Variants in KRT27 observed in about 807,000 individuals in gnomAD.
KRT27 encodes the protein keratin 27.
Under a neutral mutation model 45.3 loss-of-function variants are expected in KRT27, and 30 were observed. The ratio of observed to expected loss-of-function variants is 0.66; its 90% CI spans 0.50 to 0.90. The LOEUF (loss-of-function observed/expected upper bound fraction) is 0.90. KRT27 is among the 40% of genes least tolerant of loss of function. KRT27 has a pLI of 0.00. For synonymous variants in KRT27, 204 were observed against 223.9 expected, an observed-to-expected ratio of 0.91 and a Z score of 0.79; for missense variants, 610 against 564.3, an observed-to-expected ratio of 1.08 and a Z score of -0.82.
At position 40,779,606 on chromosome 17, in the gene KRT27, T is replaced by C; in HGVS notation, c.868A>G (p.Ile290Val). The change falls in exon 5 of 8, where the codon ATC (isoleucine) becomes GTC (valine). Residue 290 changes from isoleucine (I) to valine (V), a missense_variant. Transcript: ENST00000301656. ...GTGGTGGCGCCAGCGTCGTCAGAGA[T>C]CTGCTGCTGCAGCGAGGCGCTCTGG... ...NEKSASLQQQISDDAGATTSA... is the reference protein window; with the variant it reads ...NEKSASLQQQVSDDAGATTSA... The C allele has an allele frequency of 1.2e-6, 2 of 1,614,232 alleles. No individual in the cohort carries two copies. The highest frequency in any genetic ancestry group is 1.7e-6 in the Non-Finnish European group (2 of 1,180,024).
Position 40,782,311 on chromosome 17 carries a change from A to T in KRT27, c.183T>A (p.Gly61=), listed in dbSNP as rs1597803812. 6.2e-7 allele frequency: 1 copy of T among 1,613,946 alleles called. No individual in the cohort carries two copies. The highest frequency in any genetic ancestry group is 2.2e-5 in the East Asian group (1 of 44,872). Residue 61 remains glycine, a synonymous_variant, in exon 1 of 8, where the codon GGT becomes GGA. Transcript: ENST00000301656. ...GSSSAGGYGG[G]LGGGSASCAA... Reference sequence around the variant, plus strand: ...CACAGGAAGCACTTCCCCCGCCCAGACCTCCGCCATAGCCTCCTGCAGATG... The same window carrying T: ...CACAGGAAGCACTTCCCCCGCCCAGTCCTCCGCCATAGCCTCCTGCAGATG...
intron 5 of KRT27, 160 bp from the exon 6 acceptor site, chr17:40,777,892 A>T: frequency 1.3e-6 from 1 of 745,784 alleles, no homozygotes; most frequent in South Asian, 1.9e-5. Context: ...TGCCTTTATT[A>T]AATGTCCTAC....
At chr17:40,777,943 C>A in intron 5 of KRT27, 1 of 585,990 alleles carries the variant, frequency 1.7e-6, no homozygotes. Context: ...TGCTGAATGT[C>A]CCTCAGATGC....
chr17:40,779,998 C>CT, intron 3 of KRT27, 137 bp from the exon 4 acceptor site: 1 of 1,070,282 alleles, frequency 9.3e-7, no homozygotes, highest in South Asian at 1.7e-5. Context: ...AAATCCTGGC[C>CT]TCAAGCGATC....
intron 6 of KRT27, 30 bp from the exon 7 acceptor site, chr17:40,777,332 T>C: frequency 1.9e-6 from 3 of 1,591,144 alleles, no homozygotes; most frequent in African/African-American, 2.7e-5. Context: ...TTATATTAAT[T>C]ATTCTGTTTT....
Position 40,776,830 on chromosome 17 carries a change from T to C in KRT27, c.*169A>G. 1.9e-6 allele frequency: 1 copy of C among 540,320 alleles called. No homozygotes were observed. 33.5% of individuals were successfully genotyped at this position (540,320 alleles called of 1,614,324 possible). On this transcript the variant is annotated 3_prime_UTR_variant, in exon 8 of 8. Transcript: ENST00000301656. ...AGATGACTTGCAACAGGAAGAACTTTTATTGAAACACCACCATAGAGAAAA... is the reference window on the plus strand; with the variant it reads ...AGATGACTTGCAACAGGAAGAACTTCTATTGAAACACCACCATAGAGAAAA...
At position 40,777,280 on chromosome 17, in the gene KRT27, A is replaced by G. The variant is rs1174602556; in HGVS notation, c.1213T>C (p.Tyr405His). Reference sequence around the variant, plus strand: ...TTTGTTTGATTTCCTGGGCCTCCATAGCCTTTTGATTTAGAACAGGAGCTG... The same window carrying G: ...TTTGTTTGATTTCCTGGGCCTCCATGGCCTTTTGATTTAGAACAGGAGCTG... ...EDGSCSKSKG[Y>H]GGPGNQTKDS... The change falls in exon 7 of 8, where the codon TAT (tyrosine) becomes CAT (histidine). Residue 405 changes from tyrosine (Y) to histidine (H), a missense_variant. Coordinates refer to ENST00000301656, the MANE Select transcript of KRT27 (RefSeq NM_181537.4). 1.2e-6 allele frequency: 2 copies of G among 1,613,844 alleles called. No homozygotes were observed. The highest frequency in any genetic ancestry group is 1.3e-5 in the African/African-American group (1 of 75,024).
At position 40,777,291 on chromosome 17, in the gene KRT27, T is replaced by G; in HGVS notation, c.1202A>C (p.Lys401Thr). The G allele has an allele frequency of 6.2e-7, 1 of 1,613,480 alleles. No homozygotes were observed. The highest frequency in any genetic ancestry group is 1.1e-5 in the South Asian group (1 of 90,864). The change falls in exon 7 of 8, where the codon AAA becomes ACA. Residue 401 changes from lysine (K) to threonine (T), a missense_variant. By Grantham distance (78) the Lys-to-Thr change is moderately conservative. Coordinates refer to ENST00000301656, the MANE Select transcript of KRT27 (RefSeq NM_181537.4). ...LIDGEDGSCS[K>T]SKGYGGPGNQ... ...TCCTGGGCCTCCATAGCCTTTTGAT[T>G]TAGAACAGGAGCTGTAAAAGTATAG...
chr17:40,782,293 A>G lies in KRT27; in HGVS notation c.201T>C (p.Ala67=), dbSNP rs2038320812. The part of the protein sequence containing the change: ...GYGGGLGGGS[A]SCAAFTGNEH... ...CATTCCCTGTGAAGGCAGCACAGGA[A>G]GCACTTCCCCCGCCCAGACCTCCGC... Residue 67 remains alanine (A), a synonymous_variant, in exon 1 of 8, where the codon GCT becomes GCC. Transcript: ENST00000301656. 7 of 1,614,218 alleles carry G rather than the reference A, an allele frequency of 4.3e-6. No homozygotes were observed. Among genetic ancestry groups the G allele is most frequent in the Non-Finnish European group, 5.9e-6 (7 of 1,180,042 alleles).
rs758254440 is a variant in KRT27, at chr17:40,779,688, G to A, written c.846+12C>T. The A allele has an allele frequency of 1.9e-6, 3 of 1,613,626 alleles. No homozygotes were observed. Among genetic ancestry groups the A allele is most frequent in the South Asian group, 1.1e-5 (1 of 91,046 alleles). On this transcript the variant is annotated intron_variant, in intron 4 of 7. Transcript: ENST00000301656. ...TGAGTCCGCGCCCGGGCGCACCCAA[G>A]CGTGGTTTTACCTTTTCGTTGAACC...
At position 40,776,824 on chromosome 17, in the gene KRT27, G is replaced by T; in HGVS notation, c.*175C>A. ...CAGGGAAGATGACTTGCAACAGGAA[G>T]AACTTTTATTGAAACACCACCATAG... On this transcript the variant is annotated 3_prime_UTR_variant, in exon 8 of 8. Transcript: ENST00000301656. 2 of 514,506 alleles carry T rather than the reference G, an allele frequency of 3.9e-6. No individual in the cohort carries two copies. The highest frequency in any genetic ancestry group is 9.0e-5 in the South Asian group (2 of 22,284). The allele number at this position is 514,506 out of a possible 1,614,324, so 31.9% of individuals were successfully genotyped here.
intron 5 of KRT27, chr17:40,778,052 C>G: frequency 3.7e-6 from 1 of 269,790 alleles, no homozygotes; most frequent in South Asian, 6.4e-5. Context: ...GAGTGTGGCA[C>G]AATTTGCTAC....
At chr17:40,778,183 C>T (rs921511818) in intron 5 of KRT27, among the ~76,000 whole-genome samples, 2 of 152,222 alleles carry the variant, frequency 1.3e-5, no homozygotes, top group Non-Finnish European at 2.9e-5. Context: ...ACCGCATAAA[C>T]GTTCCATGAG....
Position 40,779,936 on chromosome 17 carries a change from C to G in KRT27, c.685-75G>C, listed in dbSNP as rs929496. On this transcript the variant is annotated intron_variant, in intron 3 of 7. Transcript: ENST00000301656. The stretch of plus-strand genomic sequence containing the variant: ...GCACTTTTTGAGTTAGGGTCTCGCT[C>G]TGATGCCTAGGCTGAAATGCAGTGG... 2.3e-3 allele frequency: 3,468 copies of G among 1,483,130 alleles called. 53 individuals carry two copies. The African/African-American group carries it at 0.033, about 14-fold the overall frequency. The allele number at this position is 1,483,130 out of a possible 1,614,324, so 91.9% of individuals were successfully genotyped here. A position where few individuals can be genotyped will look rare whatever the true frequency, so the allele number is the denominator to read the frequency against.
chr17:40,779,068 A>G (rs1236530629), intron 5 of KRT27, among the ~76,000 whole-genome samples: 1 of 152,134 alleles, frequency 6.6e-6, no homozygotes, highest in Non-Finnish European at 1.5e-5. Flanking sequence ...GTACTATAGA[A>G]CACTTGAACT....
Position 40,776,877 on chromosome 17 carries a change from C to T in KRT27, c.*122G>A. The T allele has an allele frequency of 1.1e-6, 1 of 888,090 alleles. No homozygotes were observed. The highest frequency in any genetic ancestry group is 2.6e-5 in the Admixed American group (1 of 38,208). The allele number at this position is 888,090 out of a possible 1,614,324, so 55.0% of individuals were successfully genotyped here. ...AAAAAGCCAAAGAAATGGTACTATT[C>T]TAAAAATAACTTGTCTTAATTCATT... is the stretch of plus-strand genomic sequence containing the variant. On this transcript the variant is annotated 3_prime_UTR_variant, in exon 8 of 8. Transcript: ENST00000301656.
rs1323211995 is a variant in KRT27, at chr17:40,782,385, C to T, written c.109G>A (p.Gly37Ser). ...AAGCCACTTCCAATGCCTGGCACAC[C>T]GCATGTGTTTCCAGCCCCAAAGCCT... is the stretch of plus-strand genomic sequence containing the variant. The part of the protein sequence containing the change: ...GAGFGAGNTC[G>S]VPGIGSGFSC... Residue 37 changes from glycine to serine, a missense_variant, in exon 1 of 8, where the codon GGT becomes AGT. By Grantham distance (56) the Gly-to-Ser change is moderately conservative. Coordinates refer to ENST00000301656, the MANE Select transcript of KRT27 (RefSeq NM_181537.4). The T allele has an allele frequency of 9.3e-6, 15 of 1,614,080 alleles. No homozygotes were observed. The highest frequency in any genetic ancestry group is 2.2e-5 in the South Asian group (2 of 91,064).
intron 2 of KRT27, 23 bp downstream of exon 2, chr17:40,781,165 C>T (rs2038308440): frequency 1.3e-6 from 2 of 1,513,022 alleles, no homozygotes; most frequent in African/African-American, 1.4e-5. Context: ...TTTTTTTTCC[C>T]ATTTATCTTC....
chr17:40,779,592 A>T lies in KRT27; in HGVS notation c.882T>A (p.Ala294=), dbSNP rs139851123. 3.6e-4 allele frequency: 584 copies of T among 1,614,230 alleles called. 2 individuals carry two copies. In the African/African-American group the frequency reaches 7.0e-3, roughly 19 times the overall value. The change falls in exon 5 of 8, where the codon GCT becomes GCA. Residue 294 remains alanine (A), a synonymous_variant. Coordinates refer to ENST00000301656, the MANE Select transcript of KRT27 (RefSeq NM_181537.4). Reference sequence around the variant, plus strand: ...CATTCCGGGCTGAGGTGGTGGCGCCAGCGTCGTCAGAGATCTGCTGCTGCA... The same window carrying T: ...CATTCCGGGCTGAGGTGGTGGCGCCTGCGTCGTCAGAGATCTGCTGCTGCA... ...ASLQQQISDD[A]GATTSARNEL... is the part of the protein sequence containing the mutation.
Sources: allele counts gnomAD v4.1 joint callset (sites outside exome capture counted in the v4.1 genomes callset), GRCh38; gene constraint gnomAD v4.1.1; transcripts MANE v1.5; gene names NCBI Gene and HGNC (gene_info 2026-07-23, HGNC 2026-07-21).